The following CD22 variants were observed in gnomAD, a reference collection of about 807,000 sequenced individuals.
The protein encoded by CD22 is B-cell receptor CD22.
CD22 carries 51 observed loss-of-function variants against 94.7 expected under a neutral mutation model. The observed-to-expected ratio is 0.54, with a 90% confidence interval of 0.43 to 0.68. The LOEUF is 0.68. Ranked by LOEUF, CD22 falls within the 30% of genes least tolerant of loss-of-function variation. The pLI, the probability that CD22 is intolerant of heterozygous loss-of-function variation, is 0.00. For missense variants in CD22, 931 were observed against 1,060.4 expected (o/e 0.88, Z 1.69); for synonymous variants, 424 against 422.5 (o/e 1.00, Z -0.04).
rs745661004 is a variant in CD22 at position 35,337,823 on chromosome 19, A to G, written c.787A>G (p.Met263Val). ...AGTGAGGGAGGGGGACTCTGTGACC[A>G]TGACCTGCGAGGTCAGCAGCAGCAA... is the stretch of plus-strand genomic sequence containing the variant. ...AIVREGDSVTMTCEVSSSNPE... is the reference protein window; with the variant it reads ...AIVREGDSVTVTCEVSSSNPE... Residue 263 changes from methionine (M) to valine (V), a missense_variant, in exon 5 of 14, where the codon ATG (methionine) becomes GTG (valine). Coordinates refer to ENST00000085219, the MANE Select transcript of CD22 (RefSeq NM_001771.4). This position sits in a 1 kb window ranked among gnomAD's most constrained non-coding sequence, Gnocchi z 4.4. The G allele has an allele frequency of 6.2e-7, 1 of 1,613,774 alleles. No homozygotes were observed. The highest frequency in any genetic ancestry group is 1.7e-5 in the Admixed American group (1 of 59,996).
chr19:35,339,063 C>T (rs2066768119), intron 6 of CD22, among the ~76,000 whole-genome samples: 1 of 151,852 alleles, frequency 6.6e-6, no homozygotes, highest in Admixed American at 6.5e-5. Flanking sequence ...AGCGAGATAC[C>T]ATCTCTACAA....
Position 35,345,362 on chromosome 19 carries a change from A to T in CD22, c.2208+236A>T. 5 of 536,616 alleles carry T rather than the reference A, an allele frequency of 9.3e-6. 1 individual carries two copies. The South Asian group carries it at 1.1e-4, about 11-fold the overall frequency. 33.2% of individuals were successfully genotyped at this position (536,616 alleles called of 1,614,324 possible). On this transcript the variant is annotated intron_variant, in intron 11 of 13. Coordinates refer to ENST00000085219, the MANE Select transcript of CD22 (RefSeq NM_001771.4). ...CTTGAACCTGGGAGGCAGAGGTTGCAGTGAGCCAAGATTGCGCCATTGCAC... is the reference window on the plus strand; with the variant it reads ...CTTGAACCTGGGAGGCAGAGGTTGCTGTGAGCCAAGATTGCGCCATTGCAC...
chr19:35,330,689 G>A (rs1186844099), intron 1 of CD22: 1 of 152,198 alleles, frequency 6.6e-6, no homozygotes, highest in Admixed American at 6.5e-5. Flanking sequence ...GGTTGGTGCT[G>A]AGACCGGAGA....
chr19:35,345,679 C>CA lies in CD22; in HGVS notation c.2287dup (p.Thr763AsnfsTer30). ...CAATGATGGAAGATGGCATTAGCTA[C>CA]ACCACCCTGCGCTTTCCCGAGATGA... On this transcript the variant is annotated frameshift_variant, in exon 12 of 14. Transcript: ENST00000085219. LOFTEE classifies it high-confidence loss of function. The CA allele has an allele frequency of 6.2e-7, 1 of 1,613,820 alleles. No individual in the cohort carries two copies. The highest frequency in any genetic ancestry group is 8.5e-7 in the Non-Finnish European group (1 of 1,179,694).
chr19:35,342,060 TTCTC>T (rs1220128157), intron 9 of CD22, 95 bp downstream of exon 9: 40 of 1,104,430 alleles, frequency 3.6e-5, no homozygotes, highest in South Asian at 2.1e-4. Context: ...CTTCCTTTCT[TTCTC>T]TCTTTCTTTT....
chr19:35,345,419 TCAA>T, intron 11 of CD22, 180 bp from the exon 12 acceptor site: 2 of 174,844 alleles, frequency 1.1e-5, no homozygotes, highest in South Asian at 1.5e-4. Context: ...AGACTCTGCC[TCAA>T]AAAAAAAAAA....
intron 12 of CD22, 142 bp from the exon 13 acceptor site, chr19:35,346,008 TG>T: frequency 4.4e-6 from 3 of 681,722 alleles, no homozygotes; most frequent in Non-Finnish European, 7.9e-6. Flanking sequence ...GAGCTCCTAC[TG>T]TGAGCTTTGG....
At chr19:35,339,491 G>C (rs1369156364) in intron 6 of CD22, among the ~76,000 whole-genome samples, 2 of 151,954 alleles carry the variant, frequency 1.3e-5, no homozygotes, top group Non-Finnish European at 2.9e-5. Flanking sequence ...TGGAAGTAGA[G>C]GCTGCAGTGA....
At chr19:35,329,393 A>G (rs1316288012) in intron 1 of CD22, 163 bp downstream of exon 1, 2 of 411,840 alleles carry the variant, frequency 4.9e-6, no homozygotes, top group Non-Finnish European at 9.7e-6. Flanking sequence ...TGTCTTGAGC[A>G]TCCTCCTTGC....
intron 1 of CD22, 181 bp from the exon 2 acceptor site, chr19:35,331,838 C>A: frequency 1.6e-6 from 2 of 1,278,312 alleles, no homozygotes; most frequent in Non-Finnish European, 2.1e-6. Context: ...CAGAGCAAGA[C>A]TCTGTCTCAA....
At chr19:35,346,044 C>T in intron 12 of CD22, 107 bp from the exon 13 acceptor site, 3 of 840,692 alleles carry the variant, frequency 3.6e-6, no homozygotes, top group Non-Finnish European at 4.0e-6. Flanking sequence ...ACAGGTTTTA[C>T]ATAAGGGGCT....
At chr19:35,333,648 C>T (rs886647947) in intron 3 of CD22, among the ~76,000 whole-genome samples, 1 of 152,158 alleles carries the variant, frequency 6.6e-6, no homozygotes, top group African/African-American at 2.4e-5. Flanking sequence ...GCCTTGATCT[C>T]CCGGGTTCAA....
chr19:35,343,229 G>A (rs1021811157), intron 9 of CD22, among the ~76,000 whole-genome samples: 5 of 151,860 alleles, frequency 3.3e-5, no homozygotes, highest in Admixed American at 1.3e-4. Context: ...CTCCACAGTA[G>A]TAAACTTGAG....
intron 1 of CD22, among the ~76,000 whole-genome samples, chr19:35,331,436 T>C (rs1378872069): frequency 6.6e-6 from 1 of 151,866 alleles, no homozygotes; most frequent in East Asian, 1.9e-4. Context: ...GATGGATGAA[T>C]GGATGGATGG....
Position 35,345,589 on chromosome 19 carries a change from G to T in CD22, c.2209-13G>T, listed in dbSNP as rs139502169. 7 of 1,534,462 alleles carry T rather than the reference G, an allele frequency of 4.6e-6. No individual in the cohort carries two copies. The highest frequency in any genetic ancestry group is 1.4e-5 in the African/African-American group (1 of 73,536). ...AACAGGTGGTTAGCACTTCATCCTC[G>T]TCTCCCTCCCAGGTTAGAAGGGCCC... is the stretch of plus-strand genomic sequence containing the variant. On this transcript the variant is annotated splice_polypyrimidine_tract_variant and intron_variant, in intron 11 of 13. Transcript: ENST00000085219.
chr19:35,329,293 G>A, intron 1 of CD22, 63 bp downstream of exon 1: 1 of 1,088,490 alleles, frequency 9.2e-7, no homozygotes, highest in Admixed American at 2.3e-5. Flanking sequence ...CAGCAGTTAT[G>A]GGCCAGGCAT....
chr19:35,332,284 C>A, intron 2 of CD22: 1 of 642,418 alleles, frequency 1.6e-6, no homozygotes, highest in Non-Finnish European at 2.7e-6. Flanking sequence ...CTCTGTATTT[C>A]TCCCACTATC....
Position 35,338,195 on chromosome 19 carries a change from T to A in CD22, c.1013T>A (p.Ile338Asn). The change falls in exon 6 of 14, where the codon ATC (isoleucine) becomes AAC (asparagine). Residue 338 changes from isoleucine (I) to asparagine (N), a missense_variant. Transcript: ENST00000085219. Reference protein sequence around the residue: ...QYAPEPSTVQILHSPAVEGSQ... With the variant: ...QYAPEPSTVQNLHSPAVEGSQ... ...GCCCCGGAACCTTCCACGGTTCAGATCCTCCACTCACCGGCTGTGGAGGGA... is the reference window on the plus strand; with the variant it reads ...GCCCCGGAACCTTCCACGGTTCAGAACCTCCACTCACCGGCTGTGGAGGGA... 1 of 1,613,812 alleles carries A rather than the reference T, an allele frequency of 6.2e-7. No homozygotes were observed. The highest frequency in any genetic ancestry group is 1.7e-5 in the Admixed American group (1 of 60,004).
At chr19:35,345,557 G>T in intron 11 of CD22, 45 bp from the exon 12 acceptor site, 5 of 1,250,770 alleles carry the variant, frequency 4.0e-6, no homozygotes, top group Non-Finnish European at 5.8e-6. Flanking sequence ...GGGGACGAGG[G>T]TTGGGGAACA....
Sources: gnomAD v4.1 joint callset for allele counts (sites outside exome capture counted in the v4.1 genomes callset) on GRCh38, gnomAD v4.1.1 for gene constraint, Gnocchi (gnomAD v3.1) non-coding constraint, MANE v1.5 for transcripts, NCBI Gene and HGNC (gene_info 2026-07-23, HGNC 2026-07-21) for gene names.